Variants in SRGAP3 observed in about 807,000 individuals in gnomAD.
The protein encoded by SRGAP3 is SLIT-ROBO Rho GTPase-activating protein 3.
In SRGAP3, 39 loss-of-function variants were observed where a neutral mutation model predicts 121.1. The observed-to-expected ratio is 0.32, with a 90% CI of 0.25 to 0.42. The LOEUF is 0.42. Ranked by LOEUF, SRGAP3 falls within the 10% of genes least tolerant of loss-of-function variation. SRGAP3 has a pLI of 1.00. For missense variants in SRGAP3, 1,213 were observed against 1,470.6 expected (o/e 0.82, Z 2.86); for synonymous variants, 601 against 570.0 (o/e 1.05, Z -0.77).
intron 1 of SRGAP3, among the ~76,000 whole-genome samples, chr3:9,136,686 A>C (rs1344930028): frequency 6.6e-6 from 1 of 152,174 alleles, no homozygotes; most frequent in African/African-American, 2.4e-5. Context: ...CAGATGAGGA[A>C]ATTGAGGCCC....
chr3:8,988,665 T>C (rs1435629208), intron 21 of SRGAP3, among the ~76,000 whole-genome samples: 1 of 152,186 alleles, frequency 6.6e-6, no homozygotes, highest in African/African-American at 2.4e-5. Context: ...AGTGCACATC[T>C]TTTAAAGCAG....
intron 1 of SRGAP3, among the ~76,000 whole-genome samples, chr3:9,237,742 G>A (rs1437022516): frequency 6.6e-6 from 1 of 152,242 alleles, no homozygotes; most frequent in Non-Finnish European, 1.5e-5. Flanking sequence ...GAGTGACCAG[G>A]GGAGGGAAAG....
chr3:9,338,715 G>C (rs1169212048), intron 1 of SRGAP3, among the ~76,000 whole-genome samples: 1 of 152,176 alleles, frequency 6.6e-6, no homozygotes, highest in Non-Finnish European at 1.5e-5. Flanking sequence ...TGCACCATCA[G>C]CAAGAAGTTA....
At chr3:9,101,988 C>G (rs529776993) in intron 3 of SRGAP3, among the ~76,000 whole-genome samples, 1 of 152,224 alleles carries the variant, frequency 6.6e-6, no homozygotes, top group Non-Finnish European at 1.5e-5. Context: ...AACCACCTCC[C>G]GCATCAGTGA....
At chr3:9,256,252 G>A (rs1360983156) in intron 3 of SRGAP3, among the ~76,000 whole-genome samples, 2 of 152,202 alleles carry the variant, frequency 1.3e-5, no homozygotes, top group Non-Finnish European at 2.9e-5. Flanking sequence ...GTGTGTCCAA[G>A]GACTGGACAG....
At chr3:9,253,292 A>AATAACCC (rs1457487690), upstream of SRGAP3, among the ~76,000 whole-genome samples, 1 of 152,246 alleles carries the variant, frequency 6.6e-6, no homozygotes, top group Non-Finnish European at 1.5e-5. Context: ...GCTATCAAGT[A>AATAACCC]ATAACCCATT....
At chr3:9,048,426 C>A (rs1417533609) in intron 9 of SRGAP3, among the ~76,000 whole-genome samples, 1 of 152,224 alleles carries the variant, frequency 6.6e-6, no homozygotes, top group Non-Finnish European at 1.5e-5. Flanking sequence ...TGGATCCCTC[C>A]CTCTTGAAGC....
intron 1 of SRGAP3, among the ~76,000 whole-genome samples, chr3:9,231,158 G>A (rs757528858): frequency 1.3e-5 from 2 of 152,196 alleles, no homozygotes; most frequent in African/African-American, 2.4e-5. Context: ...CAAGGTCTGG[G>A]GTGGAAGCCA....
At chr3:9,102,569 C>T (rs747110208) in intron 3 of SRGAP3, among the ~76,000 whole-genome samples, 14 of 152,158 alleles carry the variant, frequency 9.2e-5, no homozygotes, top group Non-Finnish European at 1.5e-4. Context: ...GCCTCCATTC[C>T]GAAATTAGGT....
intron 1 of SRGAP3, among the ~76,000 whole-genome samples, chr3:9,162,369 G>T (rs1950627596): frequency 6.6e-6 from 1 of 152,012 alleles, no homozygotes. Context: ...GCAAAAATAG[G>T]GAATGGGATA....
chr3:9,354,781 ATTTGTGTCAC>A (rs2030403233), intron 1 of SRGAP3, among the ~76,000 whole-genome samples: 1 of 152,018 alleles, frequency 6.6e-6, no homozygotes, highest in African/African-American at 2.4e-5. Context: ...GCTCCTCCTC[ATTTGTGTCAC>A]TATATCTGAT....
chr3:9,353,397 C>G (rs1221633857), intron 1 of SRGAP3, among the ~76,000 whole-genome samples: 1 of 152,236 alleles, frequency 6.6e-6, no homozygotes, highest in Non-Finnish European at 1.5e-5. Flanking sequence ...GACCTTCTTC[C>G]AGTAATCTCA....
At chr3:9,176,306 G>A (rs1560346666) in intron 1 of SRGAP3, among the ~76,000 whole-genome samples, 1 of 152,178 alleles carries the variant, frequency 6.6e-6, no homozygotes, top group Admixed American at 6.5e-5. Context: ...AGGCTATGAT[G>A]AGATGGCATG....
chr3:8,994,127 C>G, intron 19 of SRGAP3: 3 of 648,834 alleles, frequency 4.6e-6, no homozygotes, highest in Admixed American at 2.3e-5. Context: ...GCACCCAACA[C>G]CGTTTCTGTG....
intron 3 of SRGAP3, among the ~76,000 whole-genome samples, chr3:9,322,956 G>A (rs796803225): frequency 2.0e-5 from 3 of 151,824 alleles, no homozygotes; most frequent in African/African-American, 7.2e-5. Flanking sequence ...GCAAATTTTG[G>A]TATATTCACA....
intron 1 of SRGAP3, among the ~76,000 whole-genome samples, chr3:9,177,279 T>C (rs1357122973): frequency 1.3e-5 from 2 of 152,308 alleles, no homozygotes; most frequent in Non-Finnish European, 2.9e-5. Flanking sequence ...CAAATAATCC[T>C]ATAAGAAATT....
chr3:9,212,133 T>A (rs1009191465), intron 1 of SRGAP3, among the ~76,000 whole-genome samples: 3 of 152,124 alleles, frequency 2.0e-5, no homozygotes, highest in African/African-American at 7.2e-5. Flanking sequence ...CAAGGCACAA[T>A]AATTAATTTT....
Position 9,044,226 on chromosome 3 carries a change from G to A in SRGAP3, c.1408+3165C>T, listed in dbSNP as rs112629344. ...CTGTCAAAAGAGTACAGCAGTCCAC[G>A]CTTATCTGTGGGGAATATGTTCCAA... is the stretch of plus-strand genomic sequence containing the variant. On this transcript the variant is annotated intron_variant, in intron 10 of 21. Coordinates refer to ENST00000383836, the MANE Select transcript of SRGAP3 (RefSeq NM_014850.4). Among the ~76,000 whole-genome samples the A allele has an allele frequency of 2.4e-3, 358 of 152,282 alleles. 2 individuals are homozygous for A. Among genetic ancestry groups the A allele is most frequent in the African/African-American group, 8.2e-3 (340 of 41,544 alleles).
At chr3:9,303,619 T>G (rs1203596594) in intron 3 of SRGAP3, among the ~76,000 whole-genome samples, 1 of 152,180 alleles carries the variant, frequency 6.6e-6, no homozygotes. Flanking sequence ...ATAAGCCTTG[T>G]TCTAAGCATT....
Sources: gnomAD v4.1 joint callset for allele counts (sites outside exome capture counted in the v4.1 genomes callset) on GRCh38, gnomAD v4.1.1 for gene constraint, MANE v1.5 for transcripts, NCBI Gene and HGNC (gene_info 2026-07-23, HGNC 2026-07-21) for gene names.